Variants in VEGFC observed in about 807,000 individuals in gnomAD.
The protein encoded by VEGFC is vascular endothelial growth factor C, also known as FLT4 ligand DHM.
A neutral mutation model predicts 46.1 loss-of-function variants in VEGFC; 12 were observed. That is an observed-to-expected ratio of 0.26 (90% CI 0.17 to 0.42). The LOEUF (loss-of-function observed/expected upper bound fraction) is 0.42, where lower values mean the gene tolerates loss of function less well. Ranked by LOEUF, VEGFC falls within the 10% of genes least tolerant of loss-of-function variation. The probability of loss-of-function intolerance (pLI) is 1.00; values close to 1 mark genes in which losing one functional copy is unlikely to be tolerated. For synonymous variants in VEGFC, 232 were observed against 195.5 expected, an observed-to-expected ratio of 1.19 and a Z score of -1.56; for missense variants, 488 against 529.4, an observed-to-expected ratio of 0.92 and a Z score of 0.77.
In VEGFC at chr4:176,735,826, T is replaced by C. The variant is rs77696149; in HGVS notation, c.148-6080A>G. 2.4e-3 allele frequency among the ~76,000 whole-genome samples: 361 copies of C among 152,022 alleles called. 13 individuals carry two copies. In the East Asian group the frequency reaches 0.067, roughly 28 times the overall value. On this transcript the variant is annotated intron_variant, in intron 1 of 6. Transcript: ENST00000618562. ...GCCATTTAGGTCATTTTCAAAATCA[T>C]CATTTGAGAGGACTGTGAAATTGTT... is the stretch of plus-strand genomic sequence containing the variant.
intron 4 of VEGFC, among the ~76,000 whole-genome samples, chr4:176,704,169 A>G (rs1171485768): frequency 1.3e-5 from 2 of 151,778 alleles, no homozygotes; most frequent in Non-Finnish European, 2.9e-5. Context: ...GATTGTTCTG[A>G]TTGCTTCTTC....
intron 1 of VEGFC, among the ~76,000 whole-genome samples, chr4:176,739,760 G>A (rs1171091812): frequency 6.6e-6 from 1 of 151,096 alleles, no homozygotes; most frequent in Non-Finnish European, 1.5e-5. Flanking sequence ...AAAAGTTGAA[G>A]AAAAGAAAAA....
At chr4:176,712,605 T>A (rs1308491840) in intron 3 of VEGFC, among the ~76,000 whole-genome samples, 1 of 152,172 alleles carries the variant, frequency 6.6e-6, no homozygotes, top group Non-Finnish European at 1.5e-5. Flanking sequence ...ATCCATGTAT[T>A]ACTTGGTGTC....
intron 1 of VEGFC, among the ~76,000 whole-genome samples, chr4:176,768,070 A>G (rs990431676): frequency 3.9e-5 from 6 of 152,206 alleles, no homozygotes; most frequent in African/African-American, 1.4e-4. Flanking sequence ...GTTGCCACTG[A>G]CTGAGTTAGG....
At chr4:176,732,096 CAAATT>C (rs1250307108) in intron 1 of VEGFC, among the ~76,000 whole-genome samples, 1 of 151,270 alleles carries the variant, frequency 6.6e-6, no homozygotes, top group East Asian at 1.9e-4. Context: ...ACACTGCAAA[CAAATT>C]AAAAGACAAT....
rs535044303 is a variant in VEGFC, at chr4:176,747,005, T to C, written c.148-17259A>G. On this transcript the variant is annotated intron_variant, in intron 1 of 6. Coordinates refer to ENST00000618562, the MANE Select transcript of VEGFC (RefSeq NM_005429.5). ...AGATAGGGAGATTAAATAGCATCAC[T>C]TGACTGTGCGTCTGCCGCATAGCAA... Among the ~76,000 whole-genome samples the C allele has an allele frequency of 3.3e-5, 5 of 152,276 alleles. No homozygotes were observed. In the East Asian group the frequency reaches 9.7e-4, roughly 29 times the overall value.
At chr4:176,731,259 CT>C (rs1734960017) in intron 1 of VEGFC, among the ~76,000 whole-genome samples, 1 of 151,982 alleles carries the variant, frequency 6.6e-6, no homozygotes, top group African/African-American at 2.4e-5. Context: ...AAAAAACTCA[CT>C]TATGACACAA....
chr4:176,729,315 T>C (rs902258846), intron 2 of VEGFC, among the ~76,000 whole-genome samples: 26 of 152,238 alleles, frequency 1.7e-4, no homozygotes, highest in Non-Finnish European at 3.2e-4. Context: ...GTGTGTTGTT[T>C]ATGCATGGAC....
intron 1 of VEGFC, among the ~76,000 whole-genome samples, chr4:176,754,592 C>G (rs1039293933): frequency 6.6e-6 from 1 of 151,980 alleles, no homozygotes; most frequent in Non-Finnish European, 1.5e-5. Context: ...CTCTCTCTTT[C>G]ACTTATAAAG....
intron 1 of VEGFC, among the ~76,000 whole-genome samples, chr4:176,736,973 T>C (rs1363548035): frequency 6.6e-6 from 1 of 151,182 alleles, no homozygotes; most frequent in Non-Finnish European, 1.5e-5. Context: ...GTTCAACAAA[T>C]GATAACTAAT....
chr4:176,755,610 C>T (rs1033796073), intron 1 of VEGFC, among the ~76,000 whole-genome samples: 1 of 152,048 alleles, frequency 6.6e-6, no homozygotes, highest in Non-Finnish European at 1.5e-5. Flanking sequence ...TCAAAGTCTA[C>T]TTCTAGGGAA....
chr4:176,773,898 T>C (rs1353943993), intron 1 of VEGFC, among the ~76,000 whole-genome samples: 2 of 152,114 alleles, frequency 1.3e-5, no homozygotes, highest in African/African-American at 4.8e-5. Context: ...TCTCACCGTG[T>C]TACCCAGGCT....
At chr4:176,766,656 T>C (rs955324106) in intron 1 of VEGFC, among the ~76,000 whole-genome samples, 3 of 150,702 alleles carry the variant, frequency 2.0e-5, no homozygotes, top group Non-Finnish European at 2.9e-5. Flanking sequence ...AGTGTGATAC[T>C]AATGCCAGAG....
chr4:176,715,874 C>T lies in VEGFC; in HGVS notation c.553-4224G>A, dbSNP rs540128117. Among the ~76,000 whole-genome samples the T allele has an allele frequency of 4.6e-5, 7 of 152,190 alleles. No homozygotes were observed. The South Asian group carries it at 8.3e-4, about 18-fold the overall frequency. On this transcript the variant is annotated intron_variant, in intron 3 of 6. Coordinates refer to ENST00000618562, the MANE Select transcript of VEGFC (RefSeq NM_005429.5). ...AATCACTGGCAACTTCCCTACTCCA[C>T]GAAGTATGTAAGAATAAACAAGAGT...
chr4:176,754,371 G>A (rs779862536), intron 1 of VEGFC, among the ~76,000 whole-genome samples: 3 of 151,796 alleles, frequency 2.0e-5, no homozygotes, highest in Non-Finnish European at 2.9e-5. Flanking sequence ...AGCTTTGCAG[G>A]TGAAATGTCC....
intron 3 of VEGFC, among the ~76,000 whole-genome samples, chr4:176,726,386 T>C (rs7654577): frequency 0.021 from 3,069 of 144,654 alleles, 104 homozygotes; most frequent in African/African-American, 0.072. Context: ...CTAAAAGAAA[T>C]GATAGCAGGC....
intron 3 of VEGFC, among the ~76,000 whole-genome samples, chr4:176,714,647 T>C (rs1454251637): frequency 6.6e-6 from 1 of 152,176 alleles, no homozygotes; most frequent in Non-Finnish European, 1.5e-5. Flanking sequence ...CCCCTAACCC[T>C]TGGCAGCATC....
At position 176,711,543 on chromosome 4, in the gene VEGFC, T is replaced by C. The variant is rs1159797894; in HGVS notation, c.660A>G (p.Gln220=). 6.2e-7 allele frequency: 1 copy of C among 1,613,318 alleles called. No individual in the cohort carries two copies. Among genetic ancestry groups the C allele is most frequent in the African/African-American group, 1.3e-5 (1 of 74,896 alleles). The part of the protein sequence containing the change: ...RCMSKLDVYR[Q]VHSIIRRSLP... ...GGGAACGTCTAATAATGGAATGAAC[T>C]TGTCTGTAAACATCCAGTTTAGACA... The change falls in exon 4 of 7, where the codon CAA becomes CAG. Residue 220 remains glutamine, a synonymous_variant. Coordinates refer to ENST00000618562, the MANE Select transcript of VEGFC (RefSeq NM_005429.5).
At chr4:176,707,826 G>A (rs757781242) in intron 4 of VEGFC, among the ~76,000 whole-genome samples, 28 of 152,148 alleles carry the variant, frequency 1.8e-4, no homozygotes, top group Non-Finnish European at 3.5e-4. Context: ...AATTGACTGA[G>A]TGATTTCAAA....
Sources: gnomAD v4.1 joint callset for allele counts (sites outside exome capture counted in the v4.1 genomes callset) on GRCh38, gnomAD v4.1.1 for gene constraint, MANE v1.5 for transcripts, NCBI Gene and HGNC (gene_info 2026-07-23, HGNC 2026-07-21) for gene names.